Variants in TCAP observed in about 807,000 individuals in gnomAD.
The protein encoded by TCAP is titin-cap, also known as telethonin.
A neutral mutation model predicts 16.6 loss-of-function variants in TCAP; 14 were observed. The ratio of observed to expected loss-of-function variants is 0.84; its 90% CI spans 0.56 to 1.32. TCAP has a LOEUF of 1.32. Ranked by LOEUF, TCAP falls within the 40% of genes most tolerant of loss-of-function variation. The probability of loss-of-function intolerance (pLI) is 0.00; values close to 1 mark genes in which losing one functional copy is unlikely to be tolerated. For synonymous variants in TCAP, 97 were observed against 93.2 expected (o/e 1.04, Z -0.23); for missense variants, 212 against 223.5 (o/e 0.95, Z 0.33).
rs2057250642 is a variant in TCAP, at chr17:39,665,799, C to T, written c.194C>T (p.Pro65Leu). ...TGCCAGGTGCTGGTGCAGCGCTCGCCCTGGCTGATGATGCGGATGGGCATC... is the reference window on the plus strand; with the variant it reads ...TGCCAGGTGCTGGTGCAGCGCTCGCTCTGGCTGATGATGCGGATGGGCATC... ...GQCQVLVQRS[P>L]WLMMRMGILG... The change falls in exon 2 of 2, where the codon CCC becomes CTC. Residue 65 changes from proline to leucine, a missense_variant. Coordinates refer to ENST00000309889, the MANE Select transcript of TCAP (RefSeq NM_003673.4). 1.2e-6 allele frequency: 2 copies of T among 1,607,898 alleles called. No homozygotes were observed. The highest frequency in any genetic ancestry group is 1.7e-6 in the Non-Finnish European group (2 of 1,177,506).
rs886038989 is a variant in TCAP, at chr17:39,665,411, C to T, written c.52C>T (p.Arg18Trp). 3.7e-5 allele frequency: 59 copies of T among 1,613,710 alleles called. No homozygotes were observed. The highest frequency in any genetic ancestry group is 4.5e-5 in the Non-Finnish European group (53 of 1,179,970). The change falls in exon 1 of 2, where the codon CGG becomes TGG. Residue 18 changes from arginine to tryptophan, a missense_variant. By Grantham distance (101) the Arg-to-Trp change is moderately radical. Coordinates refer to ENST00000309889, the MANE Select transcript of TCAP (RefSeq NM_003673.4). ...CEVSEENCER[R>W]EAFWAEWKDL... ...GGTGTCGGAGGAGAACTGTGAGCGC[C>T]GGGAGGCCTTCTGGGCAGAATGGAA...
rs964326898 is a variant in TCAP, at chr17:39,666,029, C to T, written c.424C>T (p.Pro142Ser). ...GGCTGAGATCACAAAGCAGCTGCCC[C>T]CTGTGGTGCCTGTCAGCAAGCCCGG... ...EVAEITKQLP[P>S]VVPVSKPGAL... Residue 142 changes from proline to serine, a missense_variant, in exon 2 of 2, where the codon CCT becomes TCT. Physicochemically the swap from Pro to Ser is moderately conservative, Grantham distance 74. Coordinates refer to ENST00000309889, the MANE Select transcript of TCAP (RefSeq NM_003673.4). 1 of 1,610,354 alleles carries T rather than the reference C, an allele frequency of 6.2e-7. No individual in the cohort carries two copies. Among genetic ancestry groups the T allele is most frequent in the Non-Finnish European group, 8.5e-7 (1 of 1,179,934 alleles).
Position 39,665,836 on chromosome 17 carries a change from G to A in TCAP, c.231G>A (p.Gly77=). 3 of 1,608,822 alleles carry A rather than the reference G, an allele frequency of 1.9e-6. No homozygotes were observed. Among genetic ancestry groups the A allele is most frequent in the Non-Finnish European group, 2.5e-6 (3 of 1,178,034 alleles). Residue 77 remains glycine, a synonymous_variant, in exon 2 of 2, where the codon GGG becomes GGA. Coordinates refer to ENST00000309889, the MANE Select transcript of TCAP (RefSeq NM_003673.4). The part of the protein sequence containing the change: ...LMMRMGILGR[G]LQEYQLPYQR... ...TGCGGATGGGCATCCTCGGCCGTGG[G>A]CTGCAGGAGTACCAGCTGCCCTACC...
Position 39,666,401 on chromosome 17 carries a change from G to C in TCAP, c.*292G>C. 1 of 532,462 alleles carries C rather than the reference G, an allele frequency of 1.9e-6. No individual in the cohort carries two copies. The highest frequency in any genetic ancestry group is 3.4e-6 in the Non-Finnish European group (1 of 293,048). 33.0% of individuals were successfully genotyped at this position (532,462 alleles called of 1,614,324 possible). On this transcript the variant is annotated 3_prime_UTR_variant, in exon 2 of 2. Coordinates refer to ENST00000309889, the MANE Select transcript of TCAP (RefSeq NM_003673.4). Reference sequence around the variant, plus strand: ...TGAGGGCAAGAGGTGCCTGGGAGGAGTGGCCCTGATCCAGGAAAATGTGAG... The same window carrying C: ...TGAGGGCAAGAGGTGCCTGGGAGGACTGGCCCTGATCCAGGAAAATGTGAG...
Position 39,665,364 on chromosome 17 carries a change from C to T in TCAP, c.5C>T (p.Ala2Val), listed in dbSNP as rs769455424. ...GAGAGAGAATGAGGAGTGATCATGG[C>T]TACCTCAGAGCTGAGCTGCGAGGTG... M[A>V]TSELSCEVSE... is the part of the protein sequence containing the mutation. The change falls in exon 1 of 2, where the codon GCT (alanine) becomes GTT (valine). Residue 2 changes from alanine to valine, a missense_variant. Transcript: ENST00000309889. The T allele has an allele frequency of 1.2e-6, 2 of 1,613,472 alleles. No homozygotes were observed. The highest frequency in any genetic ancestry group is 1.7e-6 in the Non-Finnish European group (2 of 1,179,710).
At position 39,665,845 on chromosome 17, in the gene TCAP, G is replaced by T. The variant is rs758101613; in HGVS notation, c.240G>T (p.Glu80Asp). 2.5e-6 allele frequency: 4 copies of T among 1,609,812 alleles called. No individual in the cohort carries two copies. The part of the protein sequence containing the change: ...RMGILGRGLQ[E>D]YQLPYQRVLP... ...GCATCCTCGGCCGTGGGCTGCAGGA[G>T]TACCAGCTGCCCTACCAGCGGGTAC... The change falls in exon 2 of 2, where the codon GAG becomes GAT. Residue 80 changes from glutamate to aspartate, a missense_variant. Physicochemically the swap from Glu to Asp is conservative, Grantham distance 45. Transcript: ENST00000309889.
chr17:39,666,545 A>C lies in TCAP; in HGVS notation c.*436A>C. ...TTAGTGCCGCAATAAATGCTCAATC[A>C]TGTGCCAGAGTTGCATCTCTTTCCT... On this transcript the variant is annotated 3_prime_UTR_variant, in exon 2 of 2. Coordinates refer to ENST00000309889, the MANE Select transcript of TCAP (RefSeq NM_003673.4). The C allele has an allele frequency of 4.3e-6, 1 of 231,494 alleles. No individual in the cohort carries two copies. The highest frequency in any genetic ancestry group is 8.7e-6 in the Non-Finnish European group (1 of 114,944). The allele number at this position is 231,494 out of a possible 1,614,324, so 14.3% of individuals were successfully genotyped here.
chr17:39,665,370 CAG>C lies in TCAP; in HGVS notation c.14_15del (p.Glu5AlafsTer11), dbSNP rs757082868. The C allele has an allele frequency of 3.1e-6, 5 of 1,613,570 alleles. No individual in the cohort carries two copies. The South Asian group carries it at 5.5e-5, about 18-fold the overall frequency. On this transcript the variant is annotated frameshift_variant, in exon 1 of 2. Coordinates refer to ENST00000309889, the MANE Select transcript of TCAP (RefSeq NM_003673.4). LOFTEE classifies it high-confidence loss of function. ...GAATGAGGAGTGATCATGGCTACCT[CAG>C]AGCTGAGCTGCGAGGTGTCGGAGGA... is the stretch of plus-strand genomic sequence containing the variant.
chr17:39,665,596 G>A, intron 1 of TCAP, 120 bp from the exon 2 acceptor site: 1 of 1,390,928 alleles, frequency 7.2e-7, no homozygotes, highest in Non-Finnish European at 9.9e-7. Context: ...CCCATGGGGA[G>A]AGCAAAGGGG....
At chr17:39,665,663 G>A in intron 1 of TCAP, 53 bp from the exon 2 acceptor site, 3 of 1,574,360 alleles carry the variant, frequency 1.9e-6, no homozygotes, top group Non-Finnish European at 2.6e-6. Flanking sequence ...CACCCAGCCT[G>A]TGCCCAGAGA....
In TCAP at chr17:39,665,786, G is replaced by T; in HGVS notation, c.181G>T (p.Val61Leu). The stretch of plus-strand genomic sequence containing the variant: ...CCAGCAGGGGCAGTGCCAGGTGCTG[G>T]TGCAGCGCTCGCCCTGGCTGATGAT... ...YHQQGQCQVL[V>L]QRSPWLMMRM... is the part of the protein sequence containing the mutation. The change falls in exon 2 of 2, where the codon GTG becomes TTG. Residue 61 changes from valine to leucine, a missense_variant. Transcript: ENST00000309889. The T allele has an allele frequency of 6.2e-7, 1 of 1,608,820 alleles. No individual in the cohort carries two copies.
At position 39,666,143 on chromosome 17, in the gene TCAP, C is replaced by A; in HGVS notation, c.*34C>A. On this transcript the variant is annotated 3_prime_UTR_variant, in exon 2 of 2. Coordinates refer to ENST00000309889, the MANE Select transcript of TCAP (RefSeq NM_003673.4). The stretch of plus-strand genomic sequence containing the variant: ...GTGACTTGGGCTCCGCTGTGCCCGC[C>A]CTGGGCTGGGCCCTTCCTGGCTAGG... 6.3e-7 allele frequency: 1 copy of A among 1,598,210 alleles called. No homozygotes were observed. The highest frequency in any genetic ancestry group is 1.3e-5 in the African/African-American group (1 of 75,052).
In TCAP at chr17:39,666,137, G is replaced by T. The variant is rs1012966829; in HGVS notation, c.*28G>T. On this transcript the variant is annotated 3_prime_UTR_variant, in exon 2 of 2. Coordinates refer to ENST00000309889, the MANE Select transcript of TCAP (RefSeq NM_003673.4). Reference sequence around the variant, plus strand: ...GGGACTGTGACTTGGGCTCCGCTGTGCCCGCCCTGGGCTGGGCCCTTCCTG... The same window carrying T: ...GGGACTGTGACTTGGGCTCCGCTGTTCCCGCCCTGGGCTGGGCCCTTCCTG... 1.2e-5 allele frequency: 19 copies of T among 1,598,522 alleles called. No homozygotes were observed. The highest frequency in any genetic ancestry group is 2.2e-5 in the South Asian group (2 of 91,074).
At chr17:39,665,523 G>A (rs1279663296) in intron 1 of TCAP, 54 bp downstream of exon 1, 8 of 1,558,280 alleles carry the variant, frequency 5.1e-6, no homozygotes, top group Non-Finnish European at 7.1e-6. Context: ...CACCCTCACT[G>A]AGCCATGAGG....
At position 39,666,213 on chromosome 17, in the gene TCAP, C is replaced by G; in HGVS notation, c.*104C>G. 1 of 1,495,594 alleles carries G rather than the reference C, an allele frequency of 6.7e-7. No homozygotes were observed. Among genetic ancestry groups the G allele is most frequent in the Admixed American group, 1.8e-5 (1 of 55,526 alleles). 92.6% of individuals were successfully genotyped at this position (1,495,594 alleles called of 1,614,324 possible). ...GGCCATGGCTGCTTTGTAGTTTGCC[C>G]AGAGTTGGGGGCTAGGGGAGGGGGG... is the stretch of plus-strand genomic sequence containing the variant. On this transcript the variant is annotated 3_prime_UTR_variant, in exon 2 of 2. Transcript: ENST00000309889.
rs1567865271 is a variant in TCAP, at chr17:39,665,978, G to A, written c.373G>A (p.Gly125Ser). 1 of 1,612,894 alleles carries A rather than the reference G, an allele frequency of 6.2e-7. No homozygotes were observed. Among genetic ancestry groups the A allele is most frequent in the Non-Finnish European group, 8.5e-7 (1 of 1,179,978 alleles). ...ELLALETALG[G>S]QCVDRQEVAE... ...GCTGGCGCTGGAGACAGCCCTGGGTGGCCAGTGTGTGGACCGCCAGGAGGT... is the reference window on the plus strand; with the variant it reads ...GCTGGCGCTGGAGACAGCCCTGGGTAGCCAGTGTGTGGACCGCCAGGAGGT... The change falls in exon 2 of 2, where the codon GGC becomes AGC. Residue 125 changes from glycine (G) to serine (S), a missense_variant. Physicochemically the swap from Gly to Ser is moderately conservative, Grantham distance 56. Coordinates refer to ENST00000309889, the MANE Select transcript of TCAP (RefSeq NM_003673.4).
At chr17:39,665,627 G>A in intron 1 of TCAP, 89 bp from the exon 2 acceptor site, 1 of 1,473,352 alleles carries the variant, frequency 6.8e-7, no homozygotes, top group Non-Finnish European at 9.2e-7. Context: ...CCTGCCCCCA[G>A]GTCCCAGCAG....
Position 39,665,884 on chromosome 17 carries a change from C to T in TCAP, c.279C>T (p.Ile93=), listed in dbSNP as rs144149447. 2 of 1,612,194 alleles carry T rather than the reference C, an allele frequency of 1.2e-6. No homozygotes were observed. Among genetic ancestry groups the T allele is most frequent in the African/African-American group, 2.7e-5 (2 of 74,928 alleles). The change falls in exon 2 of 2, where the codon ATC becomes ATT. Residue 93 remains isoleucine (I), a synonymous_variant. Transcript: ENST00000309889. ...ACCAGCGGGTACTGCCGCTGCCCAT[C>T]TTCACCCCTGCCAAGATGGGCGCCA... is the stretch of plus-strand genomic sequence containing the variant. The part of the protein sequence containing the change: ...LPYQRVLPLP[I]FTPAKMGATK...
In TCAP at chr17:39,666,051, C is replaced by G. The variant is rs1271647421; in HGVS notation, c.446C>G (p.Pro149Arg). ...QLPPVVPVSK[P>R]GALRRSLSRS... ...CCCCCTGTGGTGCCTGTCAGCAAGC[C>G]CGGTGCACTTCGTCGCTCCCTGTCC... Residue 149 changes from proline to arginine, a missense_variant, in exon 2 of 2, where the codon CCC becomes CGC. Transcript: ENST00000309889. The G allele has an allele frequency of 3.1e-6, 5 of 1,607,828 alleles. No individual in the cohort carries two copies. Among genetic ancestry groups the G allele is most frequent in the Non-Finnish European group, 4.2e-6 (5 of 1,179,928 alleles).
Sources: allele counts gnomAD v4.1 joint callset, GRCh38; gene constraint gnomAD v4.1.1; transcripts MANE v1.5; gene names NCBI Gene and HGNC (gene_info 2026-07-23, HGNC 2026-07-21).